Variants in LANCL2 observed in about 807,000 individuals in gnomAD.
LANCL2 encodes the protein lanC-like protein 2.
Under a neutral mutation model 56.9 loss-of-function variants are expected in LANCL2, and 33 were observed. The ratio of observed to expected loss-of-function variants is 0.58; its 90% CI spans 0.44 to 0.78. The LOEUF (loss-of-function observed/expected upper bound fraction) is 0.78. Among genes scored for constraint, LANCL2 ranks in the 30% least tolerant of loss-of-function variants. The probability of loss-of-function intolerance (pLI) is 0.00; values close to 1 mark genes in which losing one functional copy is unlikely to be tolerated. For synonymous variants in LANCL2, 233 were observed against 228.2 expected, an observed-to-expected ratio of 1.02 and a Z score of -0.19; for missense variants, 562 against 580.2, an observed-to-expected ratio of 0.97 and a Z score of 0.32.
rs1340313822 is a variant in LANCL2 at position 55,405,816 on chromosome 7, G to A, written c.825+4496G>A. On this transcript the variant is annotated intron_variant, in intron 5 of 8. Transcript: ENST00000254770. ...TCCATTGATCTGCTTTTAAAGTGAG[G>A]AACTTGGAACACTATGTAGTAAGTA... Among the ~76,000 whole-genome samples, 4 of 152,142 alleles carry A rather than the reference G, an allele frequency of 2.6e-5. 1 individual carries two copies. Among genetic ancestry groups the A allele is most frequent in the Non-Finnish European group, 5.9e-5 (4 of 68,012 alleles).
intron 1 of LANCL2, among the ~76,000 whole-genome samples, chr7:55,377,884 T>A (rs1049522068): frequency 6.6e-6 from 1 of 152,240 alleles, no homozygotes; most frequent in African/African-American, 2.4e-5. Context: ...TCATATGGTA[T>A]GACTGAGTGA....
chr7:55,378,681 C>G (rs765791935), intron 1 of LANCL2, among the ~76,000 whole-genome samples: 1 of 151,896 alleles, frequency 6.6e-6, no homozygotes. Flanking sequence ...GAATTTGGTT[C>G]CAGTATAAAC....
chr7:55,388,950 G>A (rs2128992529), intron 1 of LANCL2, among the ~76,000 whole-genome samples: 1 of 152,320 alleles, frequency 6.6e-6, no homozygotes, highest in African/African-American at 2.4e-5. Flanking sequence ...GCAGTCATTT[G>A]GAGGAGTATC....
At chr7:55,401,684 G>A (rs1306629260) in intron 5 of LANCL2, among the ~76,000 whole-genome samples, 2 of 133,988 alleles carry the variant, frequency 1.5e-5, no homozygotes, top group East Asian at 4.2e-4. Flanking sequence ...AGAGGACCCT[G>A]CGGCCCTCTG....
At chr7:55,424,398 A>G (rs1790640213) in intron 6 of LANCL2, among the ~76,000 whole-genome samples, 3 of 152,118 alleles carry the variant, frequency 2.0e-5, no homozygotes, top group Non-Finnish European at 4.4e-5. Context: ...ATGGGTGAAG[A>G]TGGATCTTCC....
rs563555531 is a variant in LANCL2, at chr7:55,406,115, A to G, written c.825+4795A>G. 3.9e-5 allele frequency among the ~76,000 whole-genome samples: 6 copies of G among 152,314 alleles called. No homozygotes were observed. The South Asian group carries it at 1.0e-3, about 26-fold the overall frequency. On this transcript the variant is annotated intron_variant, in intron 5 of 8. Coordinates refer to ENST00000254770, the MANE Select transcript of LANCL2 (RefSeq NM_018697.4). Reference sequence around the variant, plus strand: ...AACGTATGCCAAGCCAGGTGGCCGAATGTATGTGTCGGTGAGCTGCAGGAG... The same window carrying G: ...AACGTATGCCAAGCCAGGTGGCCGAGTGTATGTGTCGGTGAGCTGCAGGAG...
intron 5 of LANCL2, among the ~76,000 whole-genome samples, chr7:55,406,727 T>G (rs551128238): frequency 4.6e-5 from 7 of 152,170 alleles, no homozygotes; most frequent in Non-Finnish European, 8.8e-5. Flanking sequence ...AAATATCACT[T>G]AAAAAGAACT....
Position 55,368,228 on chromosome 7 carries a change from A to G in LANCL2, c.204+1999A>G, listed in dbSNP as rs542241256. The stretch of plus-strand genomic sequence containing the variant: ...TCAACTCAAAGTTTTGAAATTGGGT[A>G]TTTTTCTTTTTAGCCTTTGTATCTG... On this transcript the variant is annotated intron_variant, in intron 1 of 8. Coordinates refer to ENST00000254770, the MANE Select transcript of LANCL2 (RefSeq NM_018697.4). 1.5e-4 allele frequency among the ~76,000 whole-genome samples: 23 copies of G among 152,326 alleles called. No homozygotes were observed. In the South Asian group the frequency reaches 4.8e-3, roughly 32 times the overall value.
chr7:55,377,763 C>G (rs1214171719), intron 1 of LANCL2, among the ~76,000 whole-genome samples: 1 of 152,134 alleles, frequency 6.6e-6, no homozygotes, highest in Non-Finnish European at 1.5e-5. Context: ...ATTTTCTTCC[C>G]GATTGCAATG....
At chr7:55,368,731 C>T (rs1444631443) in intron 1 of LANCL2, among the ~76,000 whole-genome samples, 9 of 152,186 alleles carry the variant, frequency 5.9e-5, no homozygotes, top group African/African-American at 1.9e-4. Context: ...AGGTTGAAGT[C>T]CTAACCCATT....
intron 1 of LANCL2, among the ~76,000 whole-genome samples, chr7:55,389,150 T>C (rs2128992549): frequency 6.6e-6 from 1 of 152,344 alleles, no homozygotes; most frequent in Middle Eastern, 3.4e-3. Flanking sequence ...CCATGCTGTG[T>C]TACACAAGAA....
At chr7:55,379,254 G>T (rs1384932989) in intron 1 of LANCL2, among the ~76,000 whole-genome samples, 1 of 152,250 alleles carries the variant, frequency 6.6e-6, no homozygotes, top group African/African-American at 2.4e-5. Flanking sequence ...AAGACGGCAT[G>T]TGAGTGTGCA....
At chr7:55,378,760 A>C (rs980388783) in intron 1 of LANCL2, among the ~76,000 whole-genome samples, 3 of 152,232 alleles carry the variant, frequency 2.0e-5, no homozygotes, top group Non-Finnish European at 4.4e-5. Context: ...GGCAAAGGGC[A>C]GAGAAATGAA....
intron 6 of LANCL2, among the ~76,000 whole-genome samples, chr7:55,423,756 T>A (rs987328560): frequency 5.3e-5 from 8 of 152,162 alleles, no homozygotes; most frequent in African/African-American, 1.9e-4. Context: ...ACATAGACTT[T>A]CAGTGACTTA....
rs1266 is a variant in LANCL2 at position 55,433,582 on chromosome 7, A to G, written c.*2262A>G. ...CATCTCATTCATTTCTTAGATTTGT[A>G]TTCACAATTGTGTTCTCTAAAATGT... On this transcript the variant is annotated 3_prime_UTR_variant, in exon 9 of 9. Coordinates refer to ENST00000254770, the MANE Select transcript of LANCL2 (RefSeq NM_018697.4). 97,963 of 152,174 alleles carry G rather than the reference A, an allele frequency of 0.64. 31,962 individuals carry two copies. Among genetic ancestry groups the G allele is most frequent in the Admixed American group, 0.72 (10,971 of 15,296 alleles). The allele number at this position is 152,174 out of a possible 1,614,324, so 9.4% of individuals were successfully genotyped here.
At chr7:55,396,600 C>T (rs1183987076) in intron 2 of LANCL2, among the ~76,000 whole-genome samples, 1 of 152,232 alleles carries the variant, frequency 6.6e-6, no homozygotes, top group African/African-American at 2.4e-5. Flanking sequence ...CTCACAGGCG[C>T]GTGCTCCCCA....
At chr7:55,402,595 C>CG (rs536359185) in intron 5 of LANCL2, among the ~76,000 whole-genome samples, 97,910 of 101,550 alleles carry the variant, frequency 0.96, 47,138 homozygotes, top group Non-Finnish European at 0.98. Context: ...GCTGGCCAGG[C>CG]GGGGGATGAC....
At chr7:55,401,527 T>C (rs1391251884) in intron 5 of LANCL2, among the ~76,000 whole-genome samples, 1 of 84,272 alleles carries the variant, frequency 1.2e-5, no homozygotes, top group Non-Finnish European at 2.6e-5. Context: ...TTTTTTTTTT[T>C]TTTTTTTTTT....
Position 55,366,007 on chromosome 7 carries a change from G to T in LANCL2, c.-19G>T. ...GGACAGGAGGTTTGTCCCCGCCCGC[G>T]CGCCGTACCGCGGCGGAGATGGGCG... On this transcript the variant is annotated 5_prime_UTR_variant, in exon 1 of 9. Transcript: ENST00000254770. 1 of 1,421,864 alleles carries T rather than the reference G, an allele frequency of 7.0e-7. No homozygotes were observed. The highest frequency in any genetic ancestry group is 9.2e-7 in the Non-Finnish European group (1 of 1,081,248). 88.1% of individuals were successfully genotyped at this position (1,421,864 alleles called of 1,614,324 possible). A position where few individuals can be genotyped will look rare whatever the true frequency, so the allele number is the denominator to read the frequency against.
Sources: gnomAD v4.1 joint callset for allele counts (sites outside exome capture counted in the v4.1 genomes callset) on GRCh38, gnomAD v4.1.1 for gene constraint, MANE v1.5 for transcripts, NCBI Gene and HGNC (gene_info 2026-07-23, HGNC 2026-07-21) for gene names.